Variants in LARGE1 observed in about 807,000 individuals in gnomAD.
LARGE1 encodes xylosyl- and glucuronyltransferase LARGE1.
In LARGE1, 43 loss-of-function variants were observed where a neutral mutation model predicts 87.6. The ratio of observed to expected loss-of-function variants is 0.49; its 90% CI spans 0.38 to 0.63. The LOEUF is 0.63. Among genes scored for constraint, LARGE1 ranks in the 30% least tolerant of loss-of-function variants. The probability of loss-of-function intolerance (pLI) is 0.00; values close to 1 mark genes in which losing one functional copy is unlikely to be tolerated. For synonymous variants in LARGE1, 434 were observed against 394.6 expected (o/e 1.10, Z -1.18); for missense variants, 802 against 1,000.2 (o/e 0.80, Z 2.67).
At chr22:33,840,690 G>A (rs1010498531) in intron 1 of LARGE1, among the ~76,000 whole-genome samples, 30 of 151,766 alleles carry the variant, frequency 2.0e-4, no homozygotes, top group African/African-American at 7.2e-4. Context: ...TTTTTTTCTG[G>A]GAAAGGGTCT....
chr22:33,892,105 G>A lies in LARGE1; in HGVS notation c.-83+27890C>T, dbSNP rs146556981. 5.7e-4 allele frequency among the ~76,000 whole-genome samples: 86 copies of A among 152,180 alleles called. 1 individual carries two copies. The Middle Eastern group carries it at 0.01, about 18-fold the overall frequency. ...AAACTACAAAGCTTCTTTCAAACAGGATTCACGTCTGAATCATGTTAGCAA... is the reference window on the plus strand; with the variant it reads ...AAACTACAAAGCTTCTTTCAAACAGAATTCACGTCTGAATCATGTTAGCAA... On this transcript the variant is annotated intron_variant, in intron 1 of 14. Transcript: ENST00000397394.
chr22:33,135,470 G>A, the LARGE1 span, among the ~76,000 whole-genome samples: 49,615 of 152,058 alleles, frequency 0.33, 8,307 homozygotes, highest in South Asian at 0.46. Context: ...TGAAGTTAGG[G>A]GAAAATAAAC....
At chr22:33,806,401 C>T (rs914607492) in intron 1 of LARGE1, among the ~76,000 whole-genome samples, 19 of 152,254 alleles carry the variant, frequency 1.2e-4, no homozygotes, top group African/African-American at 4.6e-4. Flanking sequence ...TAGAGTCTCA[C>T]CAATAAGCCT....
the LARGE1 span, among the ~76,000 whole-genome samples, chr22:33,133,660 C>T: frequency 6.6e-5 from 10 of 152,130 alleles, no homozygotes; most frequent in Middle Eastern, 3.2e-3. Flanking sequence ...GTGTCTTTAT[C>T]GTAGAATGAT....
At chr22:33,555,214 A>C (rs886836512) in intron 6 of LARGE1, among the ~76,000 whole-genome samples, 2 of 152,178 alleles carry the variant, frequency 1.3e-5, no homozygotes, top group African/African-American at 2.4e-5. Flanking sequence ...GTGCAAATGC[A>C]ATTTTTTATA....
At chr22:33,636,132 T>C (rs188866190) in intron 3 of LARGE1, among the ~76,000 whole-genome samples, 1 of 152,328 alleles carries the variant, frequency 6.6e-6, no homozygotes, top group Admixed American at 6.5e-5. Flanking sequence ...CATAGCCACC[T>C]GAGAAATCAG....
intron 1 of LARGE1, among the ~76,000 whole-genome samples, chr22:33,793,542 A>C (rs766348250): frequency 3.9e-5 from 6 of 152,206 alleles, no homozygotes; most frequent in Non-Finnish European, 7.3e-5. Context: ...CCCACTCCCA[A>C]ACCTGAAACC....
intron 7 of LARGE1, among the ~76,000 whole-genome samples, chr22:33,420,914 G>A (rs1220118042): frequency 5.9e-5 from 9 of 152,176 alleles, no homozygotes; most frequent in African/African-American, 1.9e-4. Flanking sequence ...AAGGCTGGGC[G>A]CGGTGGCTCA....
In LARGE1 at chr22:33,761,025, A is replaced by G. The variant is rs540677827; in HGVS notation, c.106+346T>C. Among the ~76,000 whole-genome samples the G allele has an allele frequency of 1.1e-4, 17 of 152,286 alleles. 1 individual carries two copies. The highest frequency in any genetic ancestry group is 3.6e-4 in the African/African-American group (15 of 41,580). On this transcript the variant is annotated intron_variant, in intron 2 of 14. Transcript: ENST00000397394. Reference sequence around the variant, plus strand: ...GTTGAATGGGTGAATAAATGAATGAAAAGATGGACCAACTCTTGAAACATA... The same window carrying G: ...GTTGAATGGGTGAATAAATGAATGAGAAGATGGACCAACTCTTGAAACATA...
At chr22:33,490,972 T>C (rs1435190265) in intron 6 of LARGE1, among the ~76,000 whole-genome samples, 2 of 152,158 alleles carry the variant, frequency 1.3e-5, no homozygotes, top group Non-Finnish European at 2.9e-5. Context: ...TGAGAGAAAG[T>C]GGCAAGAATT....
intron 6 of LARGE1, among the ~76,000 whole-genome samples, chr22:33,435,603 G>C (rs913345864): frequency 6.6e-6 from 1 of 152,072 alleles, no homozygotes; most frequent in Admixed American, 6.6e-5. Context: ...TCAGGCACCC[G>C]CTCCCCTGTA....
rs554887470 is a variant in LARGE1 at position 33,703,626 on chromosome 22, G to A, written c.107-52958C>T. On this transcript the variant is annotated intron_variant, in intron 2 of 14. Transcript: ENST00000397394. ...AGGGAATGTTGGTGTGATAATGGAG[G>A]CAGAAAGTGGTGTGATTCATTTTGT... is the stretch of plus-strand genomic sequence containing the variant. Among the ~76,000 whole-genome samples the A allele has an allele frequency of 1.1e-4, 16 of 152,306 alleles. No homozygotes were observed. The South Asian group carries it at 3.3e-3, about 32-fold the overall frequency.
At chr22:33,254,105 A>C (rs1286929741) in intron 11 of LARGE1, among the ~76,000 whole-genome samples, 1 of 152,168 alleles carries the variant, frequency 6.6e-6, no homozygotes, top group Non-Finnish European at 1.5e-5. Context: ...CAGCAATGAA[A>C]GCAGCCACTA....
At chr22:33,464,073 T>C (rs2068489941) in intron 6 of LARGE1, among the ~76,000 whole-genome samples, 1 of 152,134 alleles carries the variant, frequency 6.6e-6, no homozygotes, top group Non-Finnish European at 1.5e-5. Context: ...TATAAAGGCA[T>C]AATAATCTAA....
chr22:33,637,289 T>C (rs1473885867), intron 3 of LARGE1, among the ~76,000 whole-genome samples: 2 of 152,140 alleles, frequency 1.3e-5, no homozygotes, highest in Non-Finnish European at 2.9e-5. Context: ...AGTTGCATCT[T>C]TATTTGTTGT....
chr22:33,344,122 A>G (rs1939466904), intron 9 of LARGE1, among the ~76,000 whole-genome samples: 1 of 152,208 alleles, frequency 6.6e-6, no homozygotes, highest in African/African-American at 2.4e-5. Flanking sequence ...TCTCCAGCCC[A>G]CTGACTCAAA....
rs1555908671 is a variant in LARGE1 at position 33,387,529 on chromosome 22, G to GGGC, written c.893-3226_893-3225insGCC. Among the ~76,000 whole-genome samples, 383 of 145,622 alleles carry GGGC rather than the reference G, an allele frequency of 2.6e-3. 12 individuals are homozygous for GGGC. Among genetic ancestry groups the GGGC allele is most frequent in the African/African-American group, 9.5e-3 (359 of 37,712 alleles). On this transcript the variant is annotated intron_variant, in intron 7 of 14. Transcript: ENST00000397394. ...ATGCTCCAATGTATTAAAAAATGGG[G>GGGC]GGGGGGATGGTGGGAAACTAGAAAC...
intron 13 of LARGE1, among the ~76,000 whole-genome samples, chr22:33,282,052 C>T (rs756943978): frequency 5.3e-5 from 8 of 152,210 alleles, no homozygotes; most frequent in Non-Finnish European, 1.2e-4. Flanking sequence ...CTCACTTTAA[C>T]ACTGGAGCAG....
chr22:33,424,880 T>C (rs1284073894), intron 7 of LARGE1, among the ~76,000 whole-genome samples: 1 of 152,056 alleles, frequency 6.6e-6, no homozygotes, highest in Non-Finnish European at 1.5e-5. Context: ...TCCTAATTCC[T>C]AATGAGACAG....
Sources: gnomAD v4.1 joint callset for allele counts (sites outside exome capture counted in the v4.1 genomes callset) on GRCh38, gnomAD v4.1.1 for gene constraint, MANE v1.5 for transcripts, NCBI Gene and HGNC (gene_info 2026-07-23, HGNC 2026-07-21) for gene names.